Variants in CNTN5 observed in about 807,000 individuals in gnomAD.
CNTN5 encodes the protein contactin 5.
A neutral mutation model predicts 129.1 loss-of-function variants in CNTN5; 77 were observed. The ratio of observed to expected loss-of-function variants is 0.60; its 90% confidence interval spans 0.50 to 0.72. The LOEUF (loss-of-function observed/expected upper bound fraction) is 0.72. Among genes scored for constraint, CNTN5 ranks in the 30% least tolerant of loss-of-function variants. The pLI is 0.00. For synonymous variants in CNTN5, 509 were observed against 465.6 expected, an observed-to-expected ratio of 1.09 and a Z score of -1.20; for missense variants, 1,478 against 1,328.8, an observed-to-expected ratio of 1.11 and a Z score of -1.75.
intron 3 of CNTN5, among the ~76,000 whole-genome samples, chr11:99,652,021 T>G (rs138362460): frequency 6.6e-6 from 1 of 152,214 alleles, no homozygotes; most frequent in Non-Finnish European, 1.5e-5. Context: ...TCTCAAAGTT[T>G]CTGTGGTTCA....
chr11:100,042,175 T>A (rs914220999), intron 9 of CNTN5, among the ~76,000 whole-genome samples: 2 of 152,132 alleles, frequency 1.3e-5, no homozygotes, highest in African/African-American at 2.4e-5. Context: ...TTTTTGTGTA[T>A]TATGTAGATA....
intron 1 of CNTN5, among the ~76,000 whole-genome samples, chr11:99,050,388 C>G (rs1864378786): frequency 6.6e-6 from 1 of 151,728 alleles, no homozygotes; most frequent in Non-Finnish European, 1.5e-5. Context: ...AATATATGAA[C>G]TTTTAAAATT....
At chr11:100,198,966 A>G (rs183525811) in intron 15 of CNTN5, among the ~76,000 whole-genome samples, 1 of 152,056 alleles carries the variant, frequency 6.6e-6, no homozygotes, top group East Asian at 1.9e-4. Context: ...AGAATTAGCT[A>G]TTTCCTAAGG....
chr11:100,074,026 T>C, intron 12 of CNTN5, 118 bp from the exon 13 acceptor site: 1 of 868,882 alleles, frequency 1.2e-6, no homozygotes, highest in Non-Finnish European at 1.8e-6. Context: ...TGTGTAGATA[T>C]ACTATGATTT....
intron 13 of CNTN5, among the ~76,000 whole-genome samples, chr11:100,125,565 T>C (rs376978381): frequency 6.6e-6 from 1 of 152,142 alleles, no homozygotes; most frequent in Non-Finnish European, 1.5e-5. Context: ...CAGTTCACCG[T>C]TGATGGGCAC....
In CNTN5 at chr11:99,408,324, T is replaced by C. The variant is rs1363166413; in HGVS notation, c.-71+82840T>C. 2.7e-5 allele frequency among the ~76,000 whole-genome samples: 4 copies of C among 146,154 alleles called. No homozygotes were observed. The East Asian group carries it at 8.0e-4, about 29-fold the overall frequency. On this transcript the variant is annotated intron_variant, in intron 2 of 24. Coordinates refer to ENST00000524871, the MANE Select transcript of CNTN5 (RefSeq NM_014361.4). ...GCCTGGAACTTCCACCTCAGCCTTC[T>C]GAGTGGCTAGGACTACCAGCACATG...
chr11:100,318,386 G>C (rs473320), intron 21 of CNTN5, among the ~76,000 whole-genome samples: 68,158 of 151,642 alleles, frequency 0.45, 17,038 homozygotes, highest in East Asian at 0.94. Context: ...CAGTTTCACT[G>C]TATTATATAA....
chr11:99,650,629 G>T (rs567233684), intron 3 of CNTN5, among the ~76,000 whole-genome samples: 1 of 151,886 alleles, frequency 6.6e-6, no homozygotes, highest in African/African-American at 2.4e-5. Context: ...ACAACATTCA[G>T]TTGCTCTTCT....
chr11:99,648,865 T>G lies in CNTN5; in HGVS notation c.55+92596T>G, dbSNP rs112507217. 3.0e-3 allele frequency among the ~76,000 whole-genome samples: 449 copies of G among 151,752 alleles called. 3 individuals are homozygous for G. The highest frequency in any genetic ancestry group is 0.01 in the African/African-American group (420 of 41,454). On this transcript the variant is annotated intron_variant, in intron 3 of 24. Transcript: ENST00000524871. The stretch of plus-strand genomic sequence containing the variant: ...GCAGAAAAAGTTAAATTCACAGAAG[T>G]AAAGACTGGAACCGAGAATTCTAGA...
intron 1 of CNTN5, among the ~76,000 whole-genome samples, chr11:99,286,875 T>C (rs1437311978): frequency 2.0e-5 from 3 of 152,208 alleles, no homozygotes; most frequent in Non-Finnish European, 2.9e-5. Context: ...TTTAAAAATA[T>C]ACCACATTTT....
intron 1 of CNTN5, among the ~76,000 whole-genome samples, chr11:99,198,284 G>A (rs1859003981): frequency 6.6e-6 from 1 of 152,122 alleles, no homozygotes; most frequent in African/African-American, 2.4e-5. Flanking sequence ...AAGAGGGGAA[G>A]CAACCTTGTT....
In CNTN5 at chr11:99,276,554, C is replaced by T. The variant is rs550838821; in HGVS notation, c.-209-48792C>T. ...CATCTATAAAGTGGAAATAATAAAA[C>T]AATTTACCTTATAAAGTTATGAGAA... On this transcript the variant is annotated intron_variant, in intron 1 of 24. Transcript: ENST00000524871. Among the ~76,000 whole-genome samples the T allele has an allele frequency of 3.8e-3, 577 of 151,470 alleles. 2 individuals are homozygous for T. The highest frequency in any genetic ancestry group is 0.013 in the African/African-American group (531 of 41,408).
At chr11:100,291,930 G>T (rs1402488309) in intron 18 of CNTN5, among the ~76,000 whole-genome samples, 1 of 151,692 alleles carries the variant, frequency 6.6e-6, no homozygotes, top group East Asian at 1.9e-4. Flanking sequence ...TCCCGCCATT[G>T]CTCTCCACTA....
At chr11:100,286,516 G>A (rs1950797917) in intron 18 of CNTN5, among the ~76,000 whole-genome samples, 1 of 148,584 alleles carries the variant, frequency 6.7e-6, no homozygotes, top group Non-Finnish European at 1.5e-5. Context: ...CACACGGCAG[G>A]GTATTCCAAC....
intron 23 of CNTN5, among the ~76,000 whole-genome samples, chr11:100,346,100 A>T (rs1952272509): frequency 6.6e-6 from 1 of 152,182 alleles, no homozygotes; most frequent in Non-Finnish European, 1.5e-5. Context: ...AATACATTAT[A>T]TATAAATGAT....
intron 6 of CNTN5, among the ~76,000 whole-genome samples, chr11:99,893,241 C>A: frequency 6.6e-6 from 1 of 152,132 alleles, no homozygotes; most frequent in Non-Finnish European, 1.5e-5. Flanking sequence ...GTGTCATTTT[C>A]TTCCCCAACT....
chr11:100,033,437 A>G (rs970694144), intron 9 of CNTN5, among the ~76,000 whole-genome samples: 3 of 152,030 alleles, frequency 2.0e-5, no homozygotes, highest in African/African-American at 7.2e-5. Context: ...CAAGTATCTC[A>G]CTGTTATTTG....
chr11:99,961,721 G>A (rs1950951845), intron 8 of CNTN5, among the ~76,000 whole-genome samples: 1 of 152,196 alleles, frequency 6.6e-6, no homozygotes, highest in Non-Finnish European at 1.5e-5. Flanking sequence ...ATATGAATGA[G>A]CTTTCCGTGG....
At chr11:99,139,514 G>C (rs1407708396) in intron 1 of CNTN5, among the ~76,000 whole-genome samples, 1 of 152,140 alleles carries the variant, frequency 6.6e-6, no homozygotes, top group African/African-American at 2.4e-5. Context: ...AAATCAGTTA[G>C]TAGAGACCCG....
Sources: allele counts gnomAD v4.1 joint callset (sites outside exome capture counted in the v4.1 genomes callset), GRCh38; gene constraint gnomAD v4.1.1; transcripts MANE v1.5; gene names NCBI Gene and HGNC (gene_info 2026-07-23, HGNC 2026-07-21).